Variants in ECH1 observed in about 807,000 individuals in gnomAD.
ECH1 encodes the protein delta(3,5)-Delta(2,4)-dienoyl-CoA isomerase, mitochondrial.
A neutral mutation model predicts 37.0 loss-of-function variants in ECH1; 30 were observed. The ratio of observed to expected loss-of-function variants is 0.81; its 90% confidence interval spans 0.61 to 1.10. ECH1 has a LOEUF of 1.10. ECH1 is among the 50% of genes least tolerant of loss of function. The pLI is 0.00. For missense variants in ECH1, 456 were observed against 441.6 expected (o/e 1.03, Z -0.29); for synonymous variants, 178 against 176.0 (o/e 1.01, Z -0.09).
intron 6 of ECH1, 46 bp downstream of exon 6, chr19:38,817,019 C>G: frequency 1.9e-6 from 3 of 1,550,486 alleles, no homozygotes; most frequent in Middle Eastern, 1.7e-4. Context: ...CCCCCAACCT[C>G]ACCCCACTGC....
chr19:38,823,473 A>T (rs1971694529), intron 3 of ECH1, among the ~76,000 whole-genome samples: 2 of 152,128 alleles, frequency 1.3e-5, no homozygotes. Context: ...AATACCAGGC[A>T]CCTGTCTGCC....
Position 38,815,897 on chromosome 19 carries a change from T to A in ECH1, c.842A>T (p.Tyr281Phe). 6.2e-7 allele frequency: 1 copy of A among 1,614,202 alleles called. No individual in the cohort carries two copies. Among genetic ancestry groups the A allele is most frequent in the Non-Finnish European group, 8.5e-7 (1 of 1,180,030 alleles). Residue 281 changes from tyrosine to phenylalanine, a missense_variant, in exon 9 of 10, where the codon TAT (tyrosine) becomes TTT (phenylalanine). Tyr to Phe is a conservative substitution (Grantham distance 22). Transcript: ENST00000221418. ...AVQSTKVNLL[Y>F]SRDHSVAESL... ...CTCGGCCACCGAATGGTCGCGGGAA[T>A]ACAGCAGGTTGACCTTGGTGCTCTG...
intron 3 of ECH1, chr19:38,818,103 C>A (rs1359537050): frequency 5.2e-6 from 3 of 574,136 alleles, no homozygotes; most frequent in Admixed American, 1.3e-4. Flanking sequence ...AGCGATCCTC[C>A]CACCTTGGCA....
intron 3 of ECH1, among the ~76,000 whole-genome samples, chr19:38,827,829 A>G (rs1377065826): frequency 2.0e-5 from 3 of 152,018 alleles, no homozygotes; most frequent in Admixed American, 6.6e-5. Context: ...ACACCCAGCT[A>G]ATTTTTGTTA....
chr19:38,816,912 C>T, intron 6 of ECH1, 153 bp downstream of exon 6: 1 of 888,498 alleles, frequency 1.1e-6, no homozygotes, highest in African/African-American at 1.7e-5. Context: ...ACCTTACCCA[C>T]TCACAACTTC....
In ECH1 at chr19:38,817,090, G is replaced by A. The variant is rs1258916011; in HGVS notation, c.563C>T (p.Ala188Val). Residue 188 changes from alanine (A) to valine (V), a missense_variant, in exon 6 of 10, where the codon GCC (alanine) becomes GTC (valine). Ala to Val is a moderately conservative substitution (Grantham distance 64). Coordinates refer to ENST00000221418, the MANE Select transcript of ECH1 (RefSeq NM_001398.3). ...LVTACDIRYC[A>V]QDAFFQVKEV... ...CTTCACCTGGAAGAAAGCATCCTGG[G>A]CACAGTACCGGATGTCACAGGCGGT... is the stretch of plus-strand genomic sequence containing the variant. The A allele has an allele frequency of 1.3e-6, 2 of 1,576,720 alleles. No homozygotes were observed. Among genetic ancestry groups the A allele is most frequent in the East Asian group, 2.4e-5 (1 of 42,298 alleles).
rs11549277 is a variant in ECH1 at position 38,831,412 on chromosome 19, G to A, written c.157C>T (p.His53Tyr). 6.2e-7 allele frequency: 1 copy of A among 1,613,996 alleles called. No individual in the cohort carries two copies. The highest frequency in any genetic ancestry group is 8.5e-7 in the Non-Finnish European group (1 of 1,180,016). ...SGVALGEAPD[H>Y]SYESLRVTSA... ...GTCACACGAAGGGACTCATAGCTGT[G>A]GTCTGGGGCTTCACCGAGGGCTACT... Residue 53 changes from histidine to tyrosine, a missense_variant, in exon 2 of 10, where the codon CAC (histidine) becomes TAC (tyrosine). Coordinates refer to ENST00000221418, the MANE Select transcript of ECH1 (RefSeq NM_001398.3).
intron 3 of ECH1, among the ~76,000 whole-genome samples, chr19:38,821,926 G>T (rs1215366774): frequency 6.6e-6 from 1 of 152,260 alleles, no homozygotes; most frequent in African/African-American, 2.4e-5. Flanking sequence ...AGCCAGCTGA[G>T]CTCCTGAGTC....
chr19:38,818,932 T>TGTGCGCGCGCGCAC (rs144733422), intron 3 of ECH1, among the ~76,000 whole-genome samples: 12 of 142,752 alleles, frequency 8.4e-5, no homozygotes, highest in South Asian at 2.3e-4. Flanking sequence ...TGTGTGTGTG[T>TGTGCGCGCGCGCAC]GCACTGTTCC....
At chr19:38,817,741 G>T (rs1971601644) in intron 3 of ECH1, 166 bp from the exon 4 acceptor site, 1 of 985,242 alleles carries the variant, frequency 1.0e-6, no homozygotes, top group African/African-American at 1.7e-5. Context: ...TGTTGGGTGG[G>T]AAGGAAATAA....
rs559357725 is a variant in ECH1, at chr19:38,831,638, A to T, written c.52+83T>A. On this transcript the variant is annotated intron_variant, in intron 1 of 9. Coordinates refer to ENST00000221418, the MANE Select transcript of ECH1 (RefSeq NM_001398.3). ...ATTTAGGGGACTCGGGCCCTTCGTGACCCCGGATAGCCCTCCCCGTCCTAC... is the reference window on the plus strand; with the variant it reads ...ATTTAGGGGACTCGGGCCCTTCGTGTCCCCGGATAGCCCTCCCCGTCCTAC... 6 of 1,586,896 alleles carry T rather than the reference A, an allele frequency of 3.8e-6. No individual in the cohort carries two copies. The South Asian group carries it at 6.8e-5, about 18-fold the overall frequency.
chr19:38,827,571 G>T (rs1045133588), intron 3 of ECH1, among the ~76,000 whole-genome samples: 1 of 152,290 alleles, frequency 6.6e-6, no homozygotes, highest in East Asian at 1.9e-4. Flanking sequence ...GCCGGGAAGT[G>T]AGGGGGGATA....
chr19:38,818,348 A>T (rs1971608599), intron 3 of ECH1: 1 of 985,128 alleles, frequency 1.0e-6, no homozygotes, highest in African/African-American at 1.7e-5. Context: ...GATGATCCTG[A>T]ATCTGACCTT....
At chr19:38,821,784 G>A (rs902157637) in intron 3 of ECH1, among the ~76,000 whole-genome samples, 6 of 152,160 alleles carry the variant, frequency 3.9e-5, no homozygotes, top group South Asian at 2.1e-4. Context: ...TCCCCCCGCC[G>A]CCGTGGGCTC....
At position 38,815,726 on chromosome 19, in the gene ECH1, G is replaced by A. The variant is rs374092073; in HGVS notation, c.883-9C>T. ...CTCATGTTCCAGGACGCCTGGTACC[G>A]AGGGTGTTGAGAGAGAACGAGGAGA... On this transcript the variant is annotated splice_polypyrimidine_tract_variant and intron_variant, in intron 9 of 9. Coordinates refer to ENST00000221418, the MANE Select transcript of ECH1 (RefSeq NM_001398.3). The A allele has an allele frequency of 6.2e-6, 10 of 1,613,972 alleles. No homozygotes were observed. The highest frequency in any genetic ancestry group is 1.1e-5 in the South Asian group (1 of 91,054).
At chr19:38,828,983 A>G (rs948446832) in intron 3 of ECH1, among the ~76,000 whole-genome samples, 2 of 150,676 alleles carry the variant, frequency 1.3e-5, no homozygotes, top group Non-Finnish European at 3.0e-5. Flanking sequence ...AAAAACATGC[A>G]TGACAAAAAA....
Position 38,815,962 on chromosome 19 carries a change from C to A in ECH1, c.777G>T (p.Ala259=), listed in dbSNP as rs752338357. The A allele has an allele frequency of 1.9e-6, 3 of 1,614,064 alleles. No individual in the cohort carries two copies. Among genetic ancestry groups the A allele is most frequent in the South Asian group, 1.1e-5 (1 of 91,080 alleles). ...TCTTGCTGGAAATCTCGGCCGCCAG[C>A]GCTAAGGCAGCATCCAGCATGACCT... is the stretch of plus-strand genomic sequence containing the variant. ...DKEVMLDAAL[A]LAAEISSKSP... Residue 259 remains alanine, a synonymous_variant, in exon 9 of 10, where the codon GCG becomes GCT. Transcript: ENST00000221418.
chr19:38,831,080 G>T lies in ECH1; in HGVS notation c.347C>A (p.Ala116Glu). ...VISGAGKMFT[A>E]GIDLMDMASD... ...GGTGTGTGAAGAGCGTCTGGTACCT[G>T]CAGTGAACATTTTTCCTGCACCAGA... The change falls in exon 3 of 10, where the codon GCA becomes GAA. Residue 116 changes from alanine (A) to glutamate (E), a missense_variant and splice_region_variant. Physicochemically the swap from Ala to Glu is moderately radical, Grantham distance 107. Coordinates refer to ENST00000221418, the MANE Select transcript of ECH1 (RefSeq NM_001398.3). 6.2e-7 allele frequency: 1 copy of T among 1,613,872 alleles called. No individual in the cohort carries two copies. The highest frequency in any genetic ancestry group is 1.7e-5 in the Admixed American group (1 of 60,006).
rs144733422 is a variant in ECH1, at chr19:38,818,932, T to TGTGTGTGTGCGCGC, written c.350-1358_350-1357insGCGCGCACACACAC. 2.4e-4 allele frequency among the ~76,000 whole-genome samples: 35 copies of TGTGTGTGTGCGCGC among 142,858 alleles called. 2 individuals carry two copies. Among genetic ancestry groups the TGTGTGTGTGCGCGC allele is most frequent in the African/African-American group, 9.1e-4 (35 of 38,344 alleles). The allele number at this position is 142,858 out of a possible 152,430, so 93.7% of individuals were successfully genotyped here. ...GTGTGTGTGTGTGTGTGTGTGTGTGTGCACTGTTCCCAACCTGTTACTTTG... is the reference window on the plus strand; with the variant it reads ...GTGTGTGTGTGTGTGTGTGTGTGTGTGTGTGTGTGCGCGCGCACTGTTCCCAACCTGTTACTTTG... On this transcript the variant is annotated intron_variant, in intron 3 of 9. Coordinates refer to ENST00000221418, the MANE Select transcript of ECH1 (RefSeq NM_001398.3).
Sources: gnomAD v4.1 joint callset for allele counts (sites outside exome capture counted in the v4.1 genomes callset) on GRCh38, gnomAD v4.1.1 for gene constraint, MANE v1.5 for transcripts, NCBI Gene and HGNC (gene_info 2026-07-23, HGNC 2026-07-21) for gene names.